ERICH1: variants seen among roughly 807,000 people sequenced by gnomAD.
ERICH1 encodes glutamate rich 1.
ERICH1 carries 56 observed loss-of-function variants against 39.6 expected under a neutral mutation model. That is an observed-to-expected ratio of 1.41 (90% confidence interval 1.14 to 1.77). ERICH1 has a LOEUF of 1.77. ERICH1 is among the 40% of genes most tolerant of loss of function. The pLI is 0.00. For missense variants in ERICH1, 826 were observed against 575.4 expected (o/e 1.44, Z -4.45); for synonymous variants, 313 against 223.6 (o/e 1.40, Z -3.57).
intron 3 of ERICH1, chr8:616,721 CAG>C (rs1796921683): frequency 2.6e-6 from 1 of 389,326 alleles, no homozygotes; most frequent in Admixed American, 2.8e-5. Flanking sequence ...TAGAGACACT[CAG>C]AGAGATAGGG....
intron 3 of ERICH1, among the ~76,000 whole-genome samples, chr8:630,199 C>CCACAGG (rs1175943422): frequency 1.9e-5 from 2 of 105,886 alleles, no homozygotes; most frequent in Admixed American, 2.0e-4. Flanking sequence ...CCGTGACCAC[C>CCACAGG]CAGAGCTGAC....
In ERICH1 at chr8:639,776, G is replaced by C. The variant is rs112815527; in HGVS notation, c.977-24492C>G. On this transcript the variant is annotated intron_variant, in intron 3 of 3. Transcript: ENST00000522706. ...GGATTCAGAGGCAGCCACCAATCCAGTTAGCACACATGACCGAGCACCCTG... is the reference window on the plus strand; with the variant it reads ...GGATTCAGAGGCAGCCACCAATCCACTTAGCACACATGACCGAGCACCCTG... Among the ~76,000 whole-genome samples the C allele has an allele frequency of 7.5e-3, 579 of 76,972 alleles. 112 individuals are homozygous for C. The highest frequency in any genetic ancestry group is 0.033 in the Middle Eastern group (4 of 122). The allele number at this position is 76,972 out of a possible 152,430, so 50.5% of individuals were successfully genotyped here.
chr8:686,386 T>C (rs1807380850), intron 3 of ERICH1, among the ~76,000 whole-genome samples: 1 of 152,150 alleles, frequency 6.6e-6, no homozygotes, highest in Non-Finnish European at 1.5e-5. Context: ...AACTATGTTT[T>C]ACGAAAATAA....
chr8:649,626 G>A (rs1799683290), intron 3 of ERICH1, among the ~76,000 whole-genome samples: 2 of 152,092 alleles, frequency 1.3e-5, no homozygotes, highest in Admixed American at 6.5e-5. Context: ...GTGGGGCCGC[G>A]CCGGCTGCTG....
At chr8:681,710 CT>C (rs1806155326) in intron 3 of ERICH1, among the ~76,000 whole-genome samples, 1 of 152,190 alleles carries the variant, frequency 6.6e-6, no homozygotes, top group Admixed American at 6.5e-5. Context: ...GTTAGGTTTC[CT>C]GCCAAGCCAG....
intron 3 of ERICH1, among the ~76,000 whole-genome samples, chr8:674,975 G>C (rs1804345003): frequency 6.6e-6 from 1 of 152,224 alleles, no homozygotes; most frequent in Non-Finnish European, 1.5e-5. Flanking sequence ...CTGTGGTGTT[G>C]CGGAACAGAA....
At chr8:652,084 G>A in intron 3 of ERICH1, among the ~76,000 whole-genome samples, 1 of 152,182 alleles carries the variant, frequency 6.6e-6, no homozygotes, top group Admixed American at 6.5e-5. Context: ...TCTCTGCATA[G>A]GTTTACCACC....
Position 692,552 on chromosome 8 carries a change from C to G in ERICH1, c.230G>C (p.Gly77Ala), listed in dbSNP as rs1389755020. Residue 77 changes from glycine to alanine, a missense_variant, in exon 3 of 6, where the codon GGC (glycine) becomes GCC (alanine). Physicochemically the swap from Gly to Ala is moderately conservative, Grantham distance 60 (BLOSUM62 0). Transcript: ENST00000262109. ...RLYTASGPPE[G>A]YVPCWPEPSS... Reference sequence around the variant, plus strand: ...GGGCTCCGGCCAACAGGGGACGTAGCCCTCAGGAGGCCCGCTGGCAGTGTA... The same window carrying G: ...GGGCTCCGGCCAACAGGGGACGTAGGCCTCAGGAGGCCCGCTGGCAGTGTA... 2.5e-6 allele frequency: 4 copies of G among 1,613,470 alleles called. No homozygotes were observed. The highest frequency in any genetic ancestry group is 8.5e-7 in the Non-Finnish European group (1 of 1,179,748).
downstream of ERICH1, among the ~76,000 whole-genome samples, chr8:661,476 T>G (rs1243375874): frequency 6.6e-6 from 1 of 152,198 alleles, no homozygotes; most frequent in Non-Finnish European, 1.5e-5. Flanking sequence ...TAGGCACAAC[T>G]GTCTTAATAT....
intron 5 of ERICH1, chr8:666,440 C>T (rs1802251581): frequency 6.6e-6 from 1 of 152,200 alleles, no homozygotes; most frequent in African/African-American, 2.4e-5. Context: ...GCCTGACAAC[C>T]CACCAGAAAC....
chr8:632,058 C>G (rs1417597368), intron 3 of ERICH1, among the ~76,000 whole-genome samples: 1 of 152,180 alleles, frequency 6.6e-6, no homozygotes, highest in Non-Finnish European at 1.5e-5. Context: ...TCTGCTTCCC[C>G]AGGACACAGG....
At chr8:620,979 C>T (rs564930738) in intron 3 of ERICH1, among the ~76,000 whole-genome samples, 5 of 152,300 alleles carry the variant, frequency 3.3e-5, no homozygotes, top group East Asian at 3.9e-4. Context: ...TTCTCAAGTA[C>T]ACATAAAACG....
chr8:634,526 G>A (rs1228175060), intron 3 of ERICH1, among the ~76,000 whole-genome samples: 1 of 152,194 alleles, frequency 6.6e-6, no homozygotes, highest in Non-Finnish European at 1.5e-5. Flanking sequence ...CATGCTCAGG[G>A]CGGCCCCGTC....
chr8:633,691 A>C (rs1798195893), intron 3 of ERICH1, among the ~76,000 whole-genome samples: 1 of 152,218 alleles, frequency 6.6e-6, no homozygotes, highest in Non-Finnish European at 1.5e-5. Flanking sequence ...TGGTGTATGG[A>C]CCAAGGGAAC....
At chr8:660,635 T>C (rs539516760), downstream of ERICH1, among the ~76,000 whole-genome samples, 1 of 152,328 alleles carries the variant, frequency 6.6e-6, no homozygotes, top group African/African-American at 2.4e-5. Flanking sequence ...TGTGGTCATT[T>C]GTTATGCAGA....
At chr8:705,016 C>T (rs1291138393) in intron 2 of ERICH1, among the ~76,000 whole-genome samples, 1 of 152,196 alleles carries the variant, frequency 6.6e-6, no homozygotes, top group African/African-American at 2.4e-5. Context: ...AATGCACATA[C>T]ACCAGTTATT....
intron 4 of ERICH1, among the ~76,000 whole-genome samples, chr8:669,638 C>G (rs533025243): frequency 1.2e-4 from 18 of 152,202 alleles, no homozygotes; most frequent in African/African-American, 3.9e-4. Context: ...GACGCCTTCC[C>G]TGTCCAACAC....
In ERICH1 at chr8:676,458, GAC is replaced by G. The variant is rs1365530629; in HGVS notation, c.305-2413_305-2412del. ...GCGGCGGCCCCTCGGCGAGGACAGA[GAC>G]GCGGCGGCCCCTCGGCGAGGACAGA... On this transcript the variant is annotated intron_variant, in intron 3 of 5. Coordinates refer to ENST00000262109, the MANE Select transcript of ERICH1 (RefSeq NM_207332.3). Among the ~76,000 whole-genome samples, 473 of 72,532 alleles carry G rather than the reference GAC, an allele frequency of 6.5e-3. 82 individuals are homozygous for G. Among genetic ancestry groups the G allele is most frequent in the East Asian group, 0.034 (71 of 2,072 alleles). The allele number at this position is 72,532 out of a possible 152,430, so 47.6% of individuals were successfully genotyped here.
chr8:681,834 G>A (rs975165032), intron 3 of ERICH1, among the ~76,000 whole-genome samples: 2 of 152,078 alleles, frequency 1.3e-5, no homozygotes, highest in African/African-American at 4.8e-5. Context: ...GCCCACCTGT[G>A]CGCTTCCCTG....
Sources: gnomAD v4.1 joint callset for allele counts (sites outside exome capture counted in the v4.1 genomes callset) on GRCh38, gnomAD v4.1.1 for gene constraint, MANE v1.5 for transcripts, NCBI Gene and HGNC (gene_info 2026-07-23, HGNC 2026-07-21) for gene names.